Variants in PDE10A observed in about 807,000 individuals in gnomAD.
PDE10A encodes the protein cAMP and cAMP-inhibited cGMP 3',5'-cyclic phosphodiesterase 10A.
A neutral mutation model predicts 97.7 loss-of-function variants in PDE10A; 39 were observed. The observed-to-expected ratio is 0.40, with a 90% confidence interval of 0.31 to 0.52. The LOEUF (loss-of-function observed/expected upper bound fraction) is 0.52. Among genes scored for constraint, PDE10A ranks in the 20% least tolerant of loss-of-function variants. The pLI is 0.56. For missense variants in PDE10A, 731 were observed against 1,047.8 expected (o/e 0.70, Z 4.17); for synonymous variants, 371 against 376.8 (o/e 0.98, Z 0.18).
At chr6:165,490,457 A>T (rs2128286865) in intron 2 of PDE10A, among the ~76,000 whole-genome samples, 1 of 152,346 alleles carries the variant, frequency 6.6e-6, no homozygotes, top group Middle Eastern at 3.4e-3. Flanking sequence ...AGAAACTCTA[A>T]ATCTTGAAAC....
chr6:165,435,433 A>C, intron 5 of PDE10A, 56 bp from the exon 6 acceptor site: 2 of 1,451,592 alleles, frequency 1.4e-6, no homozygotes, highest in Non-Finnish European at 1.9e-6. Flanking sequence ...ATAGTACAAA[A>C]AGACACACGT....
intron 1 of PDE10A, among the ~76,000 whole-genome samples, chr6:165,808,032 CG>C (rs1342848045): frequency 1.3e-5 from 2 of 152,134 alleles, no homozygotes; most frequent in African/African-American, 2.4e-5. Flanking sequence ...AGTGAAGGCA[CG>C]GGGGTCTTGC....
At chr6:165,339,780 A>G (rs1224881887) in intron 19 of PDE10A, among the ~76,000 whole-genome samples, 1 of 152,256 alleles carries the variant, frequency 6.6e-6, no homozygotes, top group Non-Finnish European at 1.5e-5. Context: ...GAAGATAAAC[A>G]TCACCAGTCG....
chr6:165,754,566 C>CTCTA (rs1554316833), intron 1 of PDE10A, among the ~76,000 whole-genome samples: 14 of 145,380 alleles, frequency 9.6e-5, no homozygotes, highest in Admixed American at 2.7e-4. Flanking sequence ...AAGTTTCTCT[C>CTCTA]TATATATATA....
chr6:165,447,895 A>C (rs1790988646), intron 5 of PDE10A, among the ~76,000 whole-genome samples: 1 of 152,214 alleles, frequency 6.6e-6, no homozygotes, highest in East Asian at 1.9e-4. Context: ...TTACAATACA[A>C]GGGAAAACAG....
At chr6:165,670,606 T>C (rs1729575936) in intron 1 of PDE10A, among the ~76,000 whole-genome samples, 1 of 152,214 alleles carries the variant, frequency 6.6e-6, no homozygotes, top group Non-Finnish European at 1.5e-5. Flanking sequence ...TATCTGATAA[T>C]CTTATGTAAT....
At chr6:165,334,481 G>C (rs757284617) in intron 21 of PDE10A, among the ~76,000 whole-genome samples, 1 of 152,140 alleles carries the variant, frequency 6.6e-6, no homozygotes, top group Non-Finnish European at 1.5e-5. Flanking sequence ...CTACAGCACC[G>C]GGCATGCACA....
At chr6:165,423,244 CCT>C (rs1292414465) in intron 10 of PDE10A, among the ~76,000 whole-genome samples, 3 of 152,142 alleles carry the variant, frequency 2.0e-5, no homozygotes, top group Non-Finnish European at 2.9e-5. Context: ...GCCAGTAAAT[CCT>C]CTCTTTTATT....
At chr6:165,928,408 G>C (rs369643469) in intron 1 of PDE10A, among the ~76,000 whole-genome samples, 10 of 152,276 alleles carry the variant, frequency 6.6e-5, no homozygotes, top group South Asian at 2.1e-4. Flanking sequence ...CAACCTGCTG[G>C]ACCCACTCCA....
chr6:165,384,152 GAC>G (rs1232726040), intron 17 of PDE10A, among the ~76,000 whole-genome samples: 1 of 152,136 alleles, frequency 6.6e-6, no homozygotes, highest in Non-Finnish European at 1.5e-5. Flanking sequence ...ACGGATTTGG[GAC>G]ACAAACACTT....
intron 1 of PDE10A, among the ~76,000 whole-genome samples, chr6:165,639,475 C>T (rs1214274030): frequency 1.3e-5 from 2 of 152,122 alleles, no homozygotes; most frequent in African/African-American, 4.8e-5. Context: ...CAGTGGCTCA[C>T]ACCTGTAATC....
intron 1 of PDE10A, among the ~76,000 whole-genome samples, chr6:165,908,037 A>T (rs977757655): frequency 3.9e-5 from 6 of 152,272 alleles, no homozygotes; most frequent in Admixed American, 3.9e-4. Context: ...TCAGGAACTG[A>T]GGAATATGTT....
intron 1 of PDE10A, among the ~76,000 whole-genome samples, chr6:165,632,710 G>A (rs1209892795): frequency 1.3e-5 from 2 of 152,126 alleles, no homozygotes; most frequent in Non-Finnish European, 2.9e-5. Context: ...GGGGTGAAGC[G>A]GCCGTGGAGA....
At chr6:165,876,809 T>TGCTG (rs1331511163) in intron 1 of PDE10A, among the ~76,000 whole-genome samples, 1 of 152,206 alleles carries the variant, frequency 6.6e-6, no homozygotes, top group African/African-American at 2.4e-5. Flanking sequence ...GCAATCTGTC[T>TGCTG]GCTGGCCATT....
At chr6:165,922,860 C>T (rs1360912827) in intron 1 of PDE10A, among the ~76,000 whole-genome samples, 1 of 152,138 alleles carries the variant, frequency 6.6e-6, no homozygotes, top group Non-Finnish European at 1.5e-5. Context: ...GGGTTGCATG[C>T]AAAGAGAGCC....
At chr6:165,880,399 G>A (rs989502239) in intron 1 of PDE10A, among the ~76,000 whole-genome samples, 1 of 152,208 alleles carries the variant, frequency 6.6e-6, no homozygotes, top group African/African-American at 2.4e-5. Context: ...GGTACTAGGA[G>A]TGGGGTTTGA....
At chr6:165,637,756 C>T (rs2983515) in intron 1 of PDE10A, among the ~76,000 whole-genome samples, 1 of 152,064 alleles carries the variant, frequency 6.6e-6, no homozygotes, top group Non-Finnish European at 1.5e-5. Context: ...AGGCGGGGCG[C>T]GTCCTCCCAG....
intron 1 of PDE10A, among the ~76,000 whole-genome samples, chr6:165,654,070 T>G (rs1263405584): frequency 1.3e-5 from 2 of 152,326 alleles, no homozygotes; most frequent in South Asian, 2.1e-4. Context: ...CTGGTCAACT[T>G]GCATCAAGAT....
At chr6:165,385,549 C>T (rs220806) in intron 17 of PDE10A, among the ~76,000 whole-genome samples, 51,676 of 152,006 alleles carry the variant, frequency 0.34, 9,524 homozygotes, top group African/African-American at 0.48. Flanking sequence ...TTTGTGGTTG[C>T]TCTGTTTATC....
Sources: gnomAD v4.1 joint callset for allele counts (sites outside exome capture counted in the v4.1 genomes callset) on GRCh38, gnomAD v4.1.1 for gene constraint, MANE v1.5 for transcripts, NCBI Gene and HGNC (gene_info 2026-07-23, HGNC 2026-07-21) for gene names.